Variants in ADAMTS9 observed in about 807,000 individuals in gnomAD.
ADAMTS9 encodes ADAM metallopeptidase with thrombospondin type 1 motif 9.
Under a neutral mutation model 257.1 loss-of-function variants are expected in ADAMTS9, and 107 were observed. The ratio of observed to expected loss-of-function variants is 0.42; its 90% CI spans 0.36 to 0.49. ADAMTS9 has a LOEUF of 0.49. ADAMTS9 is among the 20% of genes least tolerant of loss of function. ADAMTS9 has a pLI of 0.03. For synonymous variants in ADAMTS9, 982 were observed against 880.9 expected, an observed-to-expected ratio of 1.11 and a Z score of -2.03; for missense variants, 2,353 against 2,469.1, an observed-to-expected ratio of 0.95 and a Z score of 1.00.
At chr3:64,533,748 G>T (rs1166159838) in intron 37 of ADAMTS9, among the ~76,000 whole-genome samples, 1 of 152,216 alleles carries the variant, frequency 6.6e-6, no homozygotes, top group Non-Finnish European at 1.5e-5. Flanking sequence ...CGCGTACTAA[G>T]CACAGCAGGG....
chr3:64,518,274 T>G (rs1251407804), intron 39 of ADAMTS9, among the ~76,000 whole-genome samples: 1 of 152,218 alleles, frequency 6.6e-6, no homozygotes, highest in African/African-American at 2.4e-5. Context: ...ACAAATTTCC[T>G]TCATTTCCTT....
intron 37 of ADAMTS9, among the ~76,000 whole-genome samples, chr3:64,534,857 C>A (rs1162163439): frequency 6.6e-6 from 1 of 152,094 alleles, no homozygotes; most frequent in Non-Finnish European, 1.5e-5. Context: ...GGACAGCCCA[C>A]AATAGAGAAT....
At chr3:64,526,351 G>A (rs1435415413) in intron 38 of ADAMTS9, among the ~76,000 whole-genome samples, 1 of 152,034 alleles carries the variant, frequency 6.6e-6, no homozygotes, top group Non-Finnish European at 1.5e-5. Context: ...GAAAAACAGT[G>A]CCAGTTTAAC....
At chr3:64,600,519 T>A (rs2084440799) in intron 26 of ADAMTS9, among the ~76,000 whole-genome samples, 1 of 152,256 alleles carries the variant, frequency 6.6e-6, no homozygotes, top group Non-Finnish European at 1.5e-5. Context: ...TAGTCCTAAA[T>A]AAGCACAGCA....
rs6771712 is a variant in ADAMTS9 at position 64,602,142 on chromosome 3, G to A, written c.3819C>T (p.Ile1273=). The A allele has an allele frequency of 0.072, 116,902 of 1,613,974 alleles. 4,852 individuals are homozygous for A. Among genetic ancestry groups the A allele is most frequent in the African/African-American group, 0.14 (10,308 of 74,994 alleles). Reference sequence around the variant, plus strand: ...AATCCTGGTCACACTCACTCCGATCGATCACGTGGTCACTGTAGTTGACAC... The same window carrying A: ...AATCCTGGTCACACTCACTCCGATCAATCACGTGGTCACTGTAGTTGACAC... ...VMCVNYSDHV[I]DRSECDQDYI... is the part of the protein sequence containing the mutation. The change falls in exon 26 of 40, where the codon ATC becomes ATT. Residue 1273 remains isoleucine (I), a synonymous_variant. Coordinates refer to ENST00000498707, the MANE Select transcript of ADAMTS9 (RefSeq NM_182920.2).
intron 26 of ADAMTS9, among the ~76,000 whole-genome samples, chr3:64,601,668 T>C (rs2084463886): frequency 6.6e-6 from 1 of 152,124 alleles, no homozygotes; most frequent in South Asian, 2.1e-4. Flanking sequence ...ATCCTGATGG[T>C]ATTTACGGTA....
chr3:64,669,980 C>T (rs899225855), intron 3 of ADAMTS9, among the ~76,000 whole-genome samples: 7 of 152,250 alleles, frequency 4.6e-5, no homozygotes, highest in Middle Eastern at 3.4e-3. Context: ...TCAAAGATAC[C>T]GCTGGAAAAG....
At chr3:64,640,887 C>T (rs1258872411) in intron 12 of ADAMTS9, among the ~76,000 whole-genome samples, 1 of 151,830 alleles carries the variant, frequency 6.6e-6, no homozygotes, top group African/African-American at 2.4e-5. Context: ...AGTCCATGGA[C>T]TTTATTTAAA....
At chr3:64,614,265 T>C (rs559214053) in intron 21 of ADAMTS9, among the ~76,000 whole-genome samples, 139 of 152,354 alleles carry the variant, frequency 9.1e-4, no homozygotes, top group Admixed American at 3.1e-3. Flanking sequence ...TTAAACCTAC[T>C]ACTTATCTTT....
At position 64,539,183 on chromosome 3, in the gene ADAMTS9, G is replaced by T; in HGVS notation, c.5613+20C>A. On this transcript the variant is annotated intron_variant, in intron 37 of 39. Transcript: ENST00000498707. Reference sequence around the variant, plus strand: ...GTGGGAGGTGAATCCCTGGCAAGGGGGAAGGCACCAAGGACATACCTGTGG... The same window carrying T: ...GTGGGAGGTGAATCCCTGGCAAGGGTGAAGGCACCAAGGACATACCTGTGG... 6.3e-7 allele frequency: 1 copy of T among 1,598,750 alleles called. No individual in the cohort carries two copies.
chr3:64,538,303 T>A (rs2083074836), intron 37 of ADAMTS9, among the ~76,000 whole-genome samples: 1 of 152,168 alleles, frequency 6.6e-6, no homozygotes, highest in Non-Finnish European at 1.5e-5. Context: ...TCAGCTGTTT[T>A]GTTGCTAAGA....
chr3:64,608,634 T>C (rs1356680887), intron 22 of ADAMTS9, among the ~76,000 whole-genome samples: 1 of 152,092 alleles, frequency 6.6e-6, no homozygotes, highest in Non-Finnish European at 1.5e-5. Context: ...GTAAAATGAC[T>C]GAATCATTAA....
At chr3:64,639,314 A>ATTTTTTTTTT (rs1559805129) in intron 12 of ADAMTS9, among the ~76,000 whole-genome samples, 1 of 79,810 alleles carries the variant, frequency 1.3e-5, no homozygotes, top group Non-Finnish European at 2.1e-5. Context: ...TTTTTTTTTA[A>ATTTTTTTTTT]AAAAAAAAAA....
At position 64,568,284 on chromosome 3, in the gene ADAMTS9, G is replaced by A. The variant is rs1037034477; in HGVS notation, c.4524+84C>T. On this transcript the variant is annotated intron_variant, in intron 29 of 39. Transcript: ENST00000498707. ...CTCCCCTCGGTAAAACCAAAACCGT[G>A]CATAGAAACACAAGTGAACACACTG... 5 of 1,473,318 alleles carry A rather than the reference G, an allele frequency of 3.4e-6. No individual in the cohort carries two copies. In the South Asian group the frequency reaches 6.8e-5, roughly 20 times the overall value. 91.3% of individuals were successfully genotyped at this position (1,473,318 alleles called of 1,614,324 possible). A position where few individuals can be genotyped will look rare whatever the true frequency, so the allele number is the denominator to read the frequency against.
intron 16 of ADAMTS9, among the ~76,000 whole-genome samples, chr3:64,630,720 GCA>G (rs1040528909): frequency 1.3e-5 from 2 of 152,118 alleles, no homozygotes; most frequent in African/African-American, 4.8e-5. Context: ...AATCACCATG[GCA>G]CACGTTTACC....
At chr3:64,653,867 G>A (rs1700992451) in intron 8 of ADAMTS9, among the ~76,000 whole-genome samples, 1 of 152,104 alleles carries the variant, frequency 6.6e-6, no homozygotes, top group Non-Finnish European at 1.5e-5. Context: ...CCTGAAAAAA[G>A]GGATACTACT....
At chr3:64,646,501 A>G (rs962143279) in intron 11 of ADAMTS9, among the ~76,000 whole-genome samples, 2 of 152,186 alleles carry the variant, frequency 1.3e-5, no homozygotes, top group Admixed American at 6.5e-5. Context: ...CTTTAAACCA[A>G]TGAAAGCTCT....
At chr3:64,615,744 C>T (rs571552886) in intron 20 of ADAMTS9, among the ~76,000 whole-genome samples, 1 of 152,226 alleles carries the variant, frequency 6.6e-6, no homozygotes, top group East Asian at 1.9e-4. Flanking sequence ...TTGAGTTGTT[C>T]CACTTCTTCC....
intron 8 of ADAMTS9, among the ~76,000 whole-genome samples, chr3:64,651,914 C>A (rs143204201): frequency 3.0e-4 from 45 of 152,278 alleles, no homozygotes; most frequent in African/African-American, 8.9e-4. Context: ...GGATTGCCAA[C>A]GTCCTTATGG....
Sources: gnomAD v4.1 joint callset for allele counts (sites outside exome capture counted in the v4.1 genomes callset) on GRCh38, gnomAD v4.1.1 for gene constraint, MANE v1.5 for transcripts, NCBI Gene and HGNC (gene_info 2026-07-23, HGNC 2026-07-21) for gene names.